The following LVRN variants were observed in gnomAD, a reference collection of about 807,000 sequenced individuals.
The protein encoded by LVRN is laeverin.
A neutral mutation model predicts 111.4 loss-of-function variants in LVRN; 99 were observed. The observed-to-expected ratio is 0.89, with a 90% confidence interval of 0.76 to 1.05. The LOEUF is 1.05. Ranked by LOEUF, LVRN falls within the 50% of genes least tolerant of loss-of-function variation. LVRN has a pLI of 0.00. For missense variants in LVRN, 1,414 were observed against 1,206.8 expected (o/e 1.17, Z -2.54); for synonymous variants, 488 against 449.5 (o/e 1.09, Z -1.08).
Position 115,983,446 on chromosome 5 carries a change from G to T in LVRN, c.838+17G>T. 1 of 1,582,306 alleles carries T rather than the reference G, an allele frequency of 6.3e-7. No homozygotes were observed. The highest frequency in any genetic ancestry group is 8.6e-7 in the Non-Finnish European group (1 of 1,169,234). ...CAAAGCTAGGTAAGTAATGCTTTCTGTCTATATCTAGCTGTCTATCTATAT... is the reference window on the plus strand; with the variant it reads ...CAAAGCTAGGTAAGTAATGCTTTCTTTCTATATCTAGCTGTCTATCTATAT... On this transcript the variant is annotated intron_variant, in intron 2 of 19. Transcript: ENST00000357872.
chr5:116,000,791 T>C, intron 9 of LVRN, 133 bp downstream of exon 9: 1 of 976,740 alleles, frequency 1.0e-6, no homozygotes, highest in East Asian at 2.6e-5. Context: ...CCTTAGGTCA[T>C]GGGTAGTGTC....
chr5:115,992,367 C>T (rs1748015889), intron 5 of LVRN, 90 bp downstream of exon 5: 2 of 1,368,754 alleles, frequency 1.5e-6, no homozygotes, highest in Non-Finnish European at 1.0e-6. Context: ...AAGACCCTGC[C>T]ATATACCATA....
rs905452064 is a variant in LVRN at position 116,015,572 on chromosome 5, A to G, written c.2619-56A>G. ...TGGGATTTTGATTTTGTTTATTTAA[A>G]TTAACTCTTTATGTTGGATGTTTAA... On this transcript the variant is annotated intron_variant, in intron 17 of 19. Coordinates refer to ENST00000357872, the MANE Select transcript of LVRN (RefSeq NM_173800.5). 9 of 1,549,290 alleles carry G rather than the reference A, an allele frequency of 5.8e-6. No individual in the cohort carries two copies. The African/African-American group carries it at 8.3e-5, about 14-fold the overall frequency.
intron 4 of LVRN, among the ~76,000 whole-genome samples, chr5:115,990,506 T>C (rs994854006): frequency 4.6e-5 from 7 of 152,224 alleles, no homozygotes; most frequent in Non-Finnish European, 1.0e-4. Context: ...TAAATATTTT[T>C]CCCTAGATTA....
intron 1 of LVRN, among the ~76,000 whole-genome samples, chr5:115,966,246 T>C (rs1307365217): frequency 6.6e-6 from 1 of 152,212 alleles, no homozygotes; most frequent in African/African-American, 2.4e-5. Context: ...CTCTAACCCC[T>C]GACAACCACT....
intron 18 of LVRN, among the ~76,000 whole-genome samples, 159 bp downstream of exon 18, chr5:116,015,924 A>C (rs1394620526): frequency 1.3e-5 from 2 of 152,232 alleles, no homozygotes; most frequent in African/African-American, 4.8e-5. Context: ...GTTTAGTCTC[A>C]CTACAAACTG....
rs1393437895 is a variant in LVRN, at chr5:116,003,393, T to C, written c.2037+13T>C. On this transcript the variant is annotated intron_variant, in intron 12 of 19. Coordinates refer to ENST00000357872, the MANE Select transcript of LVRN (RefSeq NM_173800.5). Reference sequence around the variant, plus strand: ...AAAGGATCCTAAGGTAAGGTTACTTTTGATACTTTTAATTAAATATAATTT... The same window carrying C: ...AAAGGATCCTAAGGTAAGGTTACTTCTGATACTTTTAATTAAATATAATTT... 1.5e-6 allele frequency: 2 copies of C among 1,357,700 alleles called. No individual in the cohort carries two copies. The highest frequency in any genetic ancestry group is 2.0e-6 in the Non-Finnish European group (2 of 1,003,624). The allele number at this position is 1,357,700 out of a possible 1,614,324, so 84.1% of individuals were successfully genotyped here.
chr5:116,003,567 G>GT (rs561117310), intron 12 of LVRN, among the ~76,000 whole-genome samples, 187 bp downstream of exon 12: 21,387 of 123,428 alleles, frequency 0.17, 1,690 homozygotes, highest in African/African-American at 0.23. Flanking sequence ...TTGTCTGTGT[G>GT]GTTTTTTTTT....
chr5:116,015,295 G>GC lies in LVRN; in HGVS notation c.2496dup (p.Ser835LysfsTer2). The GC allele has an allele frequency of 6.2e-7, 1 of 1,610,542 alleles. No individual in the cohort carries two copies. Among genetic ancestry groups the GC allele is most frequent in the South Asian group, 1.1e-5 (1 of 90,232 alleles). ...AGATGTGGTTTTATGTTATGGCATT[G>GC]CCTTGGGAAGTGATAAAGAGTGGGA... is the stretch of plus-strand genomic sequence containing the variant. On this transcript the variant is annotated frameshift_variant, in exon 17 of 20. Transcript: ENST00000357872. LOFTEE classifies it high-confidence loss of function.
In LVRN at chr5:116,026,478, C is replaced by G. The variant is rs758876619; in HGVS notation, c.*360C>G. 7 of 298,146 alleles carry G rather than the reference C, an allele frequency of 2.3e-5. No homozygotes were observed. The highest frequency in any genetic ancestry group is 4.5e-5 in the African/African-American group (2 of 44,454). 18.5% of individuals were successfully genotyped at this position (298,146 alleles called of 1,614,324 possible). On this transcript the variant is annotated 3_prime_UTR_variant, in exon 20 of 20. Coordinates refer to ENST00000357872, the MANE Select transcript of LVRN (RefSeq NM_173800.5). Reference sequence around the variant, plus strand: ...CAATGGCATTAATGAGGAGCACATTCTTTGCTGAGGGAAATAACAGTTTTT... The same window carrying G: ...CAATGGCATTAATGAGGAGCACATTGTTTGCTGAGGGAAATAACAGTTTTT...
intron 5 of LVRN, among the ~76,000 whole-genome samples, chr5:115,992,941 A>C (rs80090568): frequency 9.2e-5 from 14 of 152,226 alleles, no homozygotes; most frequent in Non-Finnish European, 1.5e-4. Flanking sequence ...ATGTGGCTCC[A>C]TAAGAAGTTT....
At chr5:116,008,169 C>T (rs1748416115) in intron 13 of LVRN, among the ~76,000 whole-genome samples, 1 of 151,918 alleles carries the variant, frequency 6.6e-6, no homozygotes, top group African/African-American at 2.4e-5. Flanking sequence ...GTGCAAACCC[C>T]ATCTCTACTA....
intron 13 of LVRN, among the ~76,000 whole-genome samples, 170 bp downstream of exon 13, chr5:116,006,137 G>A (rs781162835): frequency 3.3e-5 from 5 of 152,086 alleles, no homozygotes; most frequent in South Asian, 4.1e-4. Context: ...ATGAGTTGCT[G>A]GAAATAAAAA....
intron 15 of LVRN, among the ~76,000 whole-genome samples, chr5:116,013,763 G>C (rs565329776): frequency 5.9e-5 from 9 of 152,218 alleles, no homozygotes; most frequent in African/African-American, 1.9e-4. Context: ...ATCTGGAGTA[G>C]GGACCACAAG....
At chr5:115,984,074 A>G (rs755781378) in intron 2 of LVRN, among the ~76,000 whole-genome samples, 1 of 152,196 alleles carries the variant, frequency 6.6e-6, no homozygotes, top group Non-Finnish European at 1.5e-5. Context: ...CCTATTAGGT[A>G]CACCAACCCA....
In LVRN at chr5:115,963,259, A is replaced by G. The variant is rs1753129830; in HGVS notation, c.642A>G (p.Glu214=). ...TTAGCTTCTCGGGCCTGGTGAAGGA[A>G]GACCTCAGGGAGGGACTCTTCCTCA... ...LQLSFSGLVK[E]DLREGLFLNV... The change falls in exon 1 of 20, where the codon GAA becomes GAG. Residue 214 remains glutamate (E), a synonymous_variant. Coordinates refer to ENST00000357872, the MANE Select transcript of LVRN (RefSeq NM_173800.5). The G allele has an allele frequency of 3.1e-6, 5 of 1,612,592 alleles. No individual in the cohort carries two copies. The South Asian group carries it at 4.4e-5, about 14-fold the overall frequency.
rs564554508 is a variant in LVRN, at chr5:116,020,727, C to T, written c.2757-1664C>T. Among the ~76,000 whole-genome samples, 21 of 152,250 alleles carry T rather than the reference C, an allele frequency of 1.4e-4. No homozygotes were observed. In the South Asian group the frequency reaches 4.1e-3, roughly 30 times the overall value. On this transcript the variant is annotated intron_variant, in intron 18 of 19. Coordinates refer to ENST00000357872, the MANE Select transcript of LVRN (RefSeq NM_173800.5). ...GGATCAGGCTGGATGCCTTGGTGTT[C>T]CCATGCTGGCCTCGTGGGCATCCTT...
chr5:115,992,329 G>A (rs374524736), intron 5 of LVRN, 52 bp downstream of exon 5: 57 of 1,598,986 alleles, frequency 3.6e-5, no homozygotes, highest in East Asian at 1.6e-4. Context: ...CTCCAGGTGC[G>A]CTACCAAAAT....
intron 13 of LVRN, among the ~76,000 whole-genome samples, chr5:116,006,222 G>A (rs769580125): frequency 6.6e-6 from 1 of 152,104 alleles, no homozygotes. Context: ...AATCTTGCCT[G>A]TATTTTAATA....
Sources: allele counts gnomAD v4.1 joint callset (sites outside exome capture counted in the v4.1 genomes callset), GRCh38; gene constraint gnomAD v4.1.1; transcripts MANE v1.5; gene names NCBI Gene and HGNC (gene_info 2026-07-23, HGNC 2026-07-21).